The following LOC128462377 variants were observed in gnomAD, a reference collection of about 807,000 sequenced individuals.
chr16:89,408,987 G>A, the LOC128462377 span, among the ~76,000 whole-genome samples: 6 of 152,104 alleles, frequency 3.9e-5, no homozygotes, highest in Non-Finnish European at 7.3e-5. Flanking sequence ...CAGAAAAGGC[G>A]GCCCCAACCC....
the LOC128462377 span, among the ~76,000 whole-genome samples, chr16:89,318,551 G>A: frequency 3.2e-5 from 4 of 126,360 alleles, no homozygotes; most frequent in Non-Finnish European, 7.0e-5. Context: ...TTTGAAACAC[G>A]ATGTGCAGAC....
At chr16:89,373,956 G>A in the LOC128462377 span, among the ~76,000 whole-genome samples, 1 of 152,242 alleles carries the variant, frequency 6.6e-6, no homozygotes, top group Non-Finnish European at 1.5e-5. Flanking sequence ...GCGGGCTGGG[G>A]CCCTGGCCCA....
At chr16:89,397,267 G>T in the LOC128462377 span, among the ~76,000 whole-genome samples, 1 of 152,300 alleles carries the variant, frequency 6.6e-6, no homozygotes, top group African/African-American at 2.4e-5. Flanking sequence ...TCCACCTCCA[G>T]GACAGACACC....
At chr16:89,365,354 G>A in the LOC128462377 span, among the ~76,000 whole-genome samples, 3 of 152,184 alleles carry the variant, frequency 2.0e-5, no homozygotes, top group African/African-American at 7.2e-5. Flanking sequence ...TAAAGAGCAT[G>A]AGGCCAAATC....
At chr16:89,367,998 A>T in the LOC128462377 span, among the ~76,000 whole-genome samples, 4,422 of 151,716 alleles carry the variant, frequency 0.029, 146 homozygotes, top group African/African-American at 0.075. Context: ...AACAAGACTC[A>T]CTCTCTCAAA....
the LOC128462377 span, among the ~76,000 whole-genome samples, chr16:89,318,360 TCCC>T: frequency 1.3e-5 from 2 of 152,018 alleles, no homozygotes; most frequent in African/African-American, 2.4e-5. Context: ...AAAGCCACTG[TCCC>T]CCCATCATGT....
At chr16:89,351,278 C>T in the LOC128462377 span, among the ~76,000 whole-genome samples, 3 of 152,136 alleles carry the variant, frequency 2.0e-5, no homozygotes, top group African/African-American at 7.2e-5. Flanking sequence ...GCCCACAGGC[C>T]GCCAAACACA....
chr16:89,379,026 G>C, the LOC128462377 span, among the ~76,000 whole-genome samples: 2 of 152,204 alleles, frequency 1.3e-5, no homozygotes, highest in Non-Finnish European at 2.9e-5. Flanking sequence ...TAGACAAGCC[G>C]GGCTGAGGCA....
the LOC128462377 span, among the ~76,000 whole-genome samples, chr16:89,400,887 C>A: frequency 2.6e-5 from 4 of 152,130 alleles, no homozygotes; most frequent in Non-Finnish European, 2.9e-5. Flanking sequence ...ACCTTGGACG[C>A]CTGTCGCCCT....
the LOC128462377 span, among the ~76,000 whole-genome samples, chr16:89,337,548 T>C: frequency 7.0e-6 from 1 of 142,074 alleles, no homozygotes; most frequent in Non-Finnish European, 1.5e-5. Flanking sequence ...GCCATTCTCC[T>C]GCCTCAACCT....
chr16:89,403,706 G>T, the LOC128462377 span: 1 of 152,208 alleles, frequency 6.6e-6, no homozygotes, highest in African/African-American at 2.4e-5. Context: ...GAGGCAGGAA[G>T]ATGACTTGAG....
At chr16:89,385,814 T>C in the LOC128462377 span, among the ~76,000 whole-genome samples, 7 of 152,222 alleles carry the variant, frequency 4.6e-5, no homozygotes, top group East Asian at 1.3e-3. Flanking sequence ...CCCCCGCCGC[T>C]GCGCAGCCAG....
At chr16:89,406,640 C>G in the LOC128462377 span, among the ~76,000 whole-genome samples, 3 of 152,168 alleles carry the variant, frequency 2.0e-5, no homozygotes, top group Non-Finnish European at 4.4e-5. Flanking sequence ...GGACATCAGA[C>G]ACAGGGTTTT....
chr16:89,383,130 C>T, the LOC128462377 span, among the ~76,000 whole-genome samples: 9 of 152,336 alleles, frequency 5.9e-5, no homozygotes, highest in African/African-American at 1.2e-4. Flanking sequence ...CTGGCTCATG[C>T]GGACCCACAG....
At chr16:89,397,370 C>A in the LOC128462377 span, among the ~76,000 whole-genome samples, 1 of 152,266 alleles carries the variant, frequency 6.6e-6, no homozygotes, top group Non-Finnish European at 1.5e-5. Flanking sequence ...TTTACAAAAT[C>A]TGAGTTTTCT....
the LOC128462377 span, chr16:89,323,189 A>T: frequency 1.5e-6 from 1 of 674,668 alleles, no homozygotes; most frequent in Non-Finnish European, 2.3e-6. Flanking sequence ...TGCACACCTC[A>T]CAGGGAGAGA....
the LOC128462377 span, chr16:89,323,282 C>CCTTG: frequency 7.8e-7 from 1 of 1,288,422 alleles, no homozygotes; most frequent in South Asian, 1.2e-5. Flanking sequence ...CTACTGTGTG[C>CCTTG]AAAGCCCTTG....
chr16:89,381,825 G>C, the LOC128462377 span, among the ~76,000 whole-genome samples: 1 of 152,216 alleles, frequency 6.6e-6, no homozygotes, highest in African/African-American at 2.4e-5. Context: ...GGGGGGAAGA[G>C]GTAGAGGTCA....
At chr16:89,408,694 C>A in the LOC128462377 span, among the ~76,000 whole-genome samples, 13 of 152,084 alleles carry the variant, frequency 8.5e-5, no homozygotes, top group Middle Eastern at 3.4e-3. Context: ...AGCGCTAATA[C>A]AACCACCTCT....
Sources: allele counts gnomAD v4.1 joint callset (sites outside exome capture counted in the v4.1 genomes callset), GRCh38; gene constraint gnomAD v4.1.1; transcripts MANE v1.5.